The following USP15 variants were observed in gnomAD, a reference collection of about 807,000 sequenced individuals.
USP15 encodes the protein ubiquitin specific peptidase 15.
Under a neutral mutation model 127.1 loss-of-function variants are expected in USP15, and 18 were observed. The observed-to-expected ratio is 0.14, with a 90% confidence interval of 0.10 to 0.21. USP15 has a LOEUF of 0.21. Among genes scored for constraint, USP15 ranks in the 10% least tolerant of loss-of-function variants. USP15 has a pLI of 1.00. For synonymous variants in USP15, 364 were observed against 393.7 expected, an observed-to-expected ratio of 0.92 and a Z score of 0.89; for missense variants, 805 against 1,159.9, an observed-to-expected ratio of 0.69 and a Z score of 4.44.
At chr12:62,280,612 T>C (rs2063621170) in intron 1 of USP15, among the ~76,000 whole-genome samples, 1 of 152,210 alleles carries the variant, frequency 6.6e-6, no homozygotes, top group South Asian at 2.1e-4. Flanking sequence ...TCTGCCCTTA[T>C]GATCTAATCA....
chr12:62,270,321 A>T (rs1246479276), intron 1 of USP15, among the ~76,000 whole-genome samples: 1 of 151,526 alleles, frequency 6.6e-6, no homozygotes, highest in East Asian at 1.9e-4. Flanking sequence ...TTTTCTTTTT[A>T]CTTTCTTGGT....
At chr12:62,349,391 A>G (rs1422337124) in intron 7 of USP15, 84 bp downstream of exon 7, 4 of 912,812 alleles carry the variant, frequency 4.4e-6, no homozygotes, top group Non-Finnish European at 5.9e-6. Context: ...AAAATTTAGG[A>G]TAAAAGTCTT....
chr12:62,292,319 C>A (rs544375307), intron 1 of USP15, among the ~76,000 whole-genome samples: 42 of 152,346 alleles, frequency 2.8e-4, no homozygotes, highest in African/African-American at 8.9e-4. Context: ...GATGCTTGCC[C>A]CATGGCTTGA....
chr12:62,371,049 ATC>A (rs2066649410), intron 8 of USP15, among the ~76,000 whole-genome samples: 1 of 152,056 alleles, frequency 6.6e-6, no homozygotes, highest in Admixed American at 6.5e-5. Context: ...TATCTGTGTC[ATC>A]TCTTTGTTCC....
intron 3 of USP15, chr12:62,304,831 A>T (rs1412875221): frequency 3.6e-5 from 3 of 83,008 alleles, no homozygotes; most frequent in East Asian, 4.7e-4. Flanking sequence ...TATTATGCTT[A>T]AAAAAAAAAA....
intron 6 of USP15, among the ~76,000 whole-genome samples, chr12:62,329,026 A>G (rs988954035): frequency 6.6e-6 from 1 of 152,222 alleles, no homozygotes; most frequent in Admixed American, 6.5e-5. Context: ...CTCTTGAAGG[A>G]TTAAAGACCT....
intron 5 of USP15, 27 bp from the exon 6 acceptor site, chr12:62,325,845 C>A: frequency 1.3e-6 from 2 of 1,581,908 alleles, no homozygotes; most frequent in Admixed American, 1.8e-5. Context: ...TATGGAAAAA[C>A]ACCCTTTTAT....
At chr12:62,379,457 G>A (rs2066924476) in intron 8 of USP15, among the ~76,000 whole-genome samples, 1 of 152,056 alleles carries the variant, frequency 6.6e-6, no homozygotes, top group Non-Finnish European at 1.5e-5. Flanking sequence ...ACATTTTAGG[G>A]AGAGCACTCT....
At chr12:62,279,972 A>T (rs1004444163) in intron 1 of USP15, among the ~76,000 whole-genome samples, 1 of 152,088 alleles carries the variant, frequency 6.6e-6, no homozygotes, top group African/African-American at 2.4e-5. Context: ...ACATTTTCTT[A>T]ATCACAGCTT....
chr12:62,287,728 TTTG>T (rs1365586893), intron 1 of USP15, among the ~76,000 whole-genome samples: 14 of 152,158 alleles, frequency 9.2e-5, no homozygotes, highest in African/African-American at 3.4e-4. Flanking sequence ...TGCGTTAATT[TTTG>T]TTGTTGTTGT....
intron 8 of USP15, among the ~76,000 whole-genome samples, chr12:62,376,901 A>G (rs1403820241): frequency 1.3e-5 from 2 of 152,192 alleles, no homozygotes; most frequent in Non-Finnish European, 2.9e-5. Context: ...TTTAAAACAT[A>G]TATGTCTTTA....
intron 8 of USP15, among the ~76,000 whole-genome samples, chr12:62,366,915 G>T (rs544863333): frequency 6.6e-6 from 1 of 152,160 alleles, no homozygotes; most frequent in Non-Finnish European, 1.5e-5. Flanking sequence ...TAATCATGGT[G>T]GATAAGCTTT....
At chr12:62,319,275 C>T (rs773219647) in intron 4 of USP15, among the ~76,000 whole-genome samples, 1 of 152,180 alleles carries the variant, frequency 6.6e-6, no homozygotes, top group Non-Finnish European at 1.5e-5. Context: ...AGGGGGAAAT[C>T]TGCCCCCATG....
chr12:62,299,275 T>C (rs192475957), intron 2 of USP15, among the ~76,000 whole-genome samples: 107 of 152,266 alleles, frequency 7.0e-4, no homozygotes, highest in Non-Finnish European at 1.4e-3. Flanking sequence ...CACACCTGGC[T>C]GATCTTTGCA....
At chr12:62,304,561 A>G (rs2064418336) in intron 3 of USP15, 1 of 286,230 alleles carries the variant, frequency 3.5e-6, no homozygotes. Flanking sequence ...AATGTTACCC[A>G]TCTCTGATTG....
intron 6 of USP15, among the ~76,000 whole-genome samples, chr12:62,333,260 A>G (rs767877349): frequency 8.6e-5 from 13 of 152,008 alleles, no homozygotes; most frequent in Non-Finnish European, 1.9e-4. Flanking sequence ...TCCAAAATCT[A>G]TAATTTGTTG....
intron 1 of USP15, among the ~76,000 whole-genome samples, chr12:62,265,709 G>T (rs531435755): frequency 2.8e-4 from 42 of 152,168 alleles, no homozygotes; most frequent in African/African-American, 9.9e-4. Context: ...ACCACACCCA[G>T]CTAATTTTTA....
intron 4 of USP15, among the ~76,000 whole-genome samples, chr12:62,316,342 G>A (rs2064830106): frequency 6.7e-6 from 1 of 149,814 alleles, no homozygotes; most frequent in Admixed American, 6.7e-5. Context: ...TAAAAGATAA[G>A]GAATTTCATA....
At chr12:62,262,395 C>T (rs1201030067) in intron 1 of USP15, among the ~76,000 whole-genome samples, 2 of 152,110 alleles carry the variant, frequency 1.3e-5, no homozygotes, top group Non-Finnish European at 2.9e-5. Context: ...TTTAAAAATT[C>T]TTAATTCACC....
Sources: allele counts gnomAD v4.1 joint callset (sites outside exome capture counted in the v4.1 genomes callset), GRCh38; gene constraint gnomAD v4.1.1; transcripts MANE v1.5; gene names NCBI Gene and HGNC (gene_info 2026-07-23, HGNC 2026-07-21).